The following DPP10 variants were observed in gnomAD, a reference collection of about 807,000 sequenced individuals.
DPP10 encodes inactive dipeptidyl peptidase 10.
A neutral mutation model predicts 120.9 loss-of-function variants in DPP10; 33 were observed. The ratio of observed to expected loss-of-function variants is 0.27; its 90% CI spans 0.21 to 0.37. DPP10 has a LOEUF of 0.37. Among genes scored for constraint, DPP10 ranks in the 10% least tolerant of loss-of-function variants. DPP10 has a pLI of 1.00. For synonymous variants in DPP10, 337 were observed against 326.1 expected, an observed-to-expected ratio of 1.03 and a Z score of -0.36; for missense variants, 816 against 942.8, an observed-to-expected ratio of 0.87 and a Z score of 1.76.
At chr2:115,553,140 C>A (rs149020241) in intron 5 of DPP10, among the ~76,000 whole-genome samples, 1 of 152,168 alleles carries the variant, frequency 6.6e-6, no homozygotes, top group Non-Finnish European at 1.5e-5. Flanking sequence ...TACACTCTTG[C>A]ATTATTCATG....
intron 7 of DPP10, among the ~76,000 whole-genome samples, chr2:115,713,432 G>A (rs868520434): frequency 6.6e-5 from 10 of 152,134 alleles, no homozygotes; most frequent in African/African-American, 2.4e-4. Flanking sequence ...ATTGATGGAA[G>A]GTCAATTTTT....
At chr2:115,825,086 G>T (rs577090412) in intron 21 of DPP10, among the ~76,000 whole-genome samples, 3 of 152,126 alleles carry the variant, frequency 2.0e-5, no homozygotes, top group Non-Finnish European at 4.4e-5. Context: ...CAACTATTAC[G>T]TAAAATGGGA....
At chr2:115,006,365 C>T (rs1291058679) in intron 1 of DPP10, among the ~76,000 whole-genome samples, 1 of 151,386 alleles carries the variant, frequency 6.6e-6, no homozygotes, top group African/African-American at 2.4e-5. Context: ...TCACACATAA[C>T]ACTATTAACT....
intron 1 of DPP10, among the ~76,000 whole-genome samples, chr2:114,923,193 T>G (rs1359012964): frequency 6.6e-6 from 1 of 151,056 alleles, no homozygotes. Flanking sequence ...CTTTTTTCTT[T>G]TTTTTTTTTA....
At chr2:115,104,438 T>C (rs1003938348) in intron 1 of DPP10, among the ~76,000 whole-genome samples, 4 of 152,152 alleles carry the variant, frequency 2.6e-5, no homozygotes, top group Admixed American at 2.0e-4. Flanking sequence ...AGAGAAACAA[T>C]TCAAATGGTG....
At chr2:114,564,000 G>T (rs1354527132) in intron 1 of DPP10, among the ~76,000 whole-genome samples, 4 of 152,214 alleles carry the variant, frequency 2.6e-5, no homozygotes, top group Non-Finnish European at 1.5e-5. Flanking sequence ...AGGAGAATGG[G>T]TGTGAAGTAT....
intron 2 of DPP10, among the ~76,000 whole-genome samples, chr2:115,313,236 A>T (rs1201450010): frequency 6.6e-6 from 1 of 152,138 alleles, no homozygotes; most frequent in Non-Finnish European, 1.5e-5. Context: ...AATAAAAAAG[A>T]GTGGCAGTCA....
chr2:115,569,877 G>T (rs552919879), intron 5 of DPP10, among the ~76,000 whole-genome samples: 1 of 152,188 alleles, frequency 6.6e-6, no homozygotes, highest in South Asian at 2.1e-4. Context: ...AAACTAATTT[G>T]AAATAAAACA....
At chr2:115,165,495 A>C (rs952040626) in intron 1 of DPP10, among the ~76,000 whole-genome samples, 1 of 152,250 alleles carries the variant, frequency 6.6e-6, no homozygotes, top group African/African-American at 2.4e-5. Context: ...AGCTTCAACT[A>C]TACAAGTAAA....
intron 5 of DPP10, among the ~76,000 whole-genome samples, chr2:115,684,011 G>A (rs1351673981): frequency 6.6e-6 from 1 of 151,840 alleles, no homozygotes; most frequent in African/African-American, 2.4e-5. Flanking sequence ...CTGAAGGATA[G>A]AAAATATCCT....
chr2:115,111,239 GC>G, intron 1 of DPP10, among the ~76,000 whole-genome samples: 1 of 146,736 alleles, frequency 6.8e-6, no homozygotes, highest in South Asian at 2.2e-4. Flanking sequence ...AGGTGTTTTT[GC>G]TTTTTTTTTT....
intron 5 of DPP10, among the ~76,000 whole-genome samples, chr2:115,526,580 G>A (rs570624687): frequency 9.7e-4 from 147 of 152,222 alleles, no homozygotes; most frequent in African/African-American, 3.5e-3. Flanking sequence ...TGAGTGTTTT[G>A]TACTTAGGTA....
rs377272501 is a variant in DPP10 at position 115,615,510 on chromosome 2, T to C, written c.442-74177T>C. On this transcript the variant is annotated intron_variant, in intron 5 of 25. Coordinates refer to ENST00000410059, the MANE Select transcript of DPP10 (RefSeq NM_020868.6). ...CGATTACACCATTACAAGATAAATG[T>C]ATTCTCAAGTAGCTGCAGTATTCTA... Among the ~76,000 whole-genome samples, 21 of 152,316 alleles carry C rather than the reference T, an allele frequency of 1.4e-4. No homozygotes were observed. In the East Asian group the frequency reaches 3.9e-3, roughly 28 times the overall value.
rs570189332 is a variant in DPP10, at chr2:114,708,049, T to G, written c.60+265211T>G. ...ACACGGCTGCTTCAGGGGTCATACCTCTACTACTTGCATTCTTAGCTCCAG... is the reference window on the plus strand; with the variant it reads ...ACACGGCTGCTTCAGGGGTCATACCGCTACTACTTGCATTCTTAGCTCCAG... On this transcript the variant is annotated intron_variant, in intron 1 of 25. Transcript: ENST00000410059. Among the ~76,000 whole-genome samples, 8 of 152,268 alleles carry G rather than the reference T, an allele frequency of 5.3e-5. No individual in the cohort carries two copies. The East Asian group carries it at 1.4e-3, about 26-fold the overall frequency.
At chr2:115,148,090 C>G (rs564329492) in intron 1 of DPP10, among the ~76,000 whole-genome samples, 41 of 152,240 alleles carry the variant, frequency 2.7e-4, no homozygotes, top group African/African-American at 8.9e-4. Context: ...TTTAAACAAG[C>G]CTGTCACTGA....
intron 1 of DPP10, among the ~76,000 whole-genome samples, chr2:114,677,091 A>G (rs996012378): frequency 6.6e-6 from 1 of 152,104 alleles, no homozygotes; most frequent in African/African-American, 2.4e-5. Context: ...AAGCAATGTT[A>G]TCCTCCCCGG....
intron 5 of DPP10, among the ~76,000 whole-genome samples, chr2:115,531,884 T>C (rs1435950586): frequency 6.6e-6 from 1 of 152,124 alleles, no homozygotes; most frequent in Non-Finnish European, 1.5e-5. Flanking sequence ...TCACACACTA[T>C]GTACTGTTTT....
intron 3 of DPP10, among the ~76,000 whole-genome samples, chr2:115,479,707 A>C (rs536415742): frequency 3.3e-4 from 51 of 152,286 alleles, no homozygotes; most frequent in Non-Finnish European, 6.0e-4. Context: ...GGAGGACTTA[A>C]TCAAATTTGC....
intron 1 of DPP10, among the ~76,000 whole-genome samples, chr2:115,048,668 T>G (rs1705244678): frequency 1.3e-5 from 2 of 149,974 alleles, no homozygotes; most frequent in African/African-American, 5.1e-5. Flanking sequence ...TTATACCAAA[T>G]TATATCAAAT....
Sources: gnomAD v4.1 joint callset for allele counts (sites outside exome capture counted in the v4.1 genomes callset) on GRCh38, gnomAD v4.1.1 for gene constraint, MANE v1.5 for transcripts, NCBI Gene and HGNC (gene_info 2026-07-23, HGNC 2026-07-21) for gene names.